Variants in GPR158 observed in about 807,000 individuals in gnomAD.
GPR158 encodes the protein metabotropic glycine receptor.
A neutral mutation model predicts 78.2 loss-of-function variants in GPR158; 30 were observed. The observed-to-expected ratio is 0.38, with a 90% CI of 0.29 to 0.52. The LOEUF is 0.52. Ranked by LOEUF, GPR158 falls within the 20% of genes least tolerant of loss-of-function variation. The probability of loss-of-function intolerance (pLI) is 0.83; values close to 1 mark genes in which losing one functional copy is unlikely to be tolerated. For synonymous variants in GPR158, 581 were observed against 591.1 expected (o/e 0.98, Z 0.25); for missense variants, 1,463 against 1,523.5 (o/e 0.96, Z 0.66).
At chr10:25,177,080 A>G (rs1852547405) in intron 1 of GPR158, among the ~76,000 whole-genome samples, 1 of 152,114 alleles carries the variant, frequency 6.6e-6, no homozygotes, top group Admixed American at 6.5e-5. Context: ...ATGATTTATA[A>G]AAGGACCTAG....
intron 4 of GPR158, among the ~76,000 whole-genome samples, chr10:25,430,532 A>G (rs1009337293): frequency 4.7e-5 from 7 of 150,356 alleles, no homozygotes; most frequent in African/African-American, 1.7e-4. Context: ...ATATGGAACC[A>G]AAAAAGAGCC....
Position 25,412,469 on chromosome 10 carries a change from C to T in GPR158, c.1331C>T (p.Ala444Val). ...CTGGTGGTCTACCACTTTCGCAAAG[C>T]AAAGGTAAACCCAGGAACCCTGGTT... ...SMLVVYHFRK[A>V]KSIRASGLIL... is the part of the protein sequence containing the mutation. The change falls in exon 4 of 11, where the codon GCA (alanine) becomes GTA (valine). Residue 444 changes from alanine (A) to valine (V), a missense_variant. Ala to Val is a moderately conservative substitution (Grantham distance 64, BLOSUM62 0). Transcript: ENST00000376351. The T allele has an allele frequency of 1.2e-6, 2 of 1,608,968 alleles. No individual in the cohort carries two copies. The highest frequency in any genetic ancestry group is 4.5e-5 in the East Asian group (2 of 44,868).
At chr10:25,568,383 A>G (rs1036788658) in intron 6 of GPR158, among the ~76,000 whole-genome samples, 2 of 152,200 alleles carry the variant, frequency 1.3e-5, no homozygotes, top group Non-Finnish European at 2.9e-5. Flanking sequence ...GAAGTCTGCA[A>G]TAGAGACTGA....
chr10:25,195,366 G>A (rs1367427601), intron 1 of GPR158, among the ~76,000 whole-genome samples: 1 of 151,784 alleles, frequency 6.6e-6, no homozygotes. Flanking sequence ...CCACCACACT[G>A]GGCTAAATTT....
intron 5 of GPR158, among the ~76,000 whole-genome samples, chr10:25,507,569 A>C (rs1836029816): frequency 6.6e-6 from 1 of 152,258 alleles, no homozygotes; most frequent in African/African-American, 2.4e-5. Flanking sequence ...ATCTGACTAT[A>C]GAAATATGTT....
chr10:25,256,578 AGGAGGCTGAGGCG>A (rs142174741), intron 2 of GPR158, among the ~76,000 whole-genome samples: 11,903 of 152,148 alleles, frequency 0.078, 643 homozygotes, highest in East Asian at 0.25. Flanking sequence ...AGGCTGAGGC[AGGAGGCTGAGGCG>A]GTAGGAGTGC....
intron 5 of GPR158, among the ~76,000 whole-genome samples, chr10:25,501,570 T>C (rs543731515): frequency 2.6e-5 from 4 of 152,274 alleles, no homozygotes; most frequent in African/African-American, 4.8e-5. Flanking sequence ...TGAATGAACA[T>C]AGAACCTGCA....
chr10:25,467,111 G>C (rs138053161), intron 5 of GPR158, among the ~76,000 whole-genome samples: 1 of 152,198 alleles, frequency 6.6e-6, no homozygotes, highest in Admixed American at 6.5e-5. Flanking sequence ...GCAATACGTT[G>C]GTTTGGTCCA....
At chr10:25,204,581 G>C (rs2791325) in intron 1 of GPR158, among the ~76,000 whole-genome samples, 22,764 of 152,002 alleles carry the variant, frequency 0.15, 1,980 homozygotes, top group East Asian at 0.24. Flanking sequence ...GTTGAGCCAG[G>C]CTTGCATCCC....
At chr10:25,505,974 G>A (rs1836008185) in intron 5 of GPR158, among the ~76,000 whole-genome samples, 1 of 152,172 alleles carries the variant, frequency 6.6e-6, no homozygotes, top group South Asian at 2.1e-4. Context: ...TGTAGACTCT[G>A]AATTCCTCCA....
chr10:25,393,401 C>T (rs557789673), intron 2 of GPR158, among the ~76,000 whole-genome samples: 1 of 152,294 alleles, frequency 6.6e-6, no homozygotes, highest in East Asian at 1.9e-4. Context: ...ACCTGGTTTA[C>T]CTTAGTTTAC....
intron 2 of GPR158, among the ~76,000 whole-genome samples, chr10:25,232,295 GA>G (rs1044831464): frequency 2.4e-4 from 36 of 151,992 alleles, no homozygotes; most frequent in Admixed American, 2.6e-4. Context: ...ACTTATGTGG[GA>G]AAAAAATCCC....
chr10:25,212,392 A>C (rs1206146440), intron 1 of GPR158, among the ~76,000 whole-genome samples: 1 of 152,054 alleles, frequency 6.6e-6, no homozygotes, highest in Non-Finnish European at 1.5e-5. Context: ...CCATCACAAG[A>C]ACAGCACTGA....
intron 5 of GPR158, among the ~76,000 whole-genome samples, chr10:25,501,914 C>T (rs1327475315): frequency 1.3e-5 from 2 of 152,108 alleles, no homozygotes; most frequent in African/African-American, 2.4e-5. Flanking sequence ...CATCTCCTCA[C>T]ACTGCTGTCC....
intron 2 of GPR158, among the ~76,000 whole-genome samples, chr10:25,257,992 G>A (rs372805250): frequency 6.6e-6 from 1 of 152,138 alleles, no homozygotes; most frequent in Admixed American, 6.5e-5. Context: ...CTACAAAATA[G>A]AAGTAAAATG....
intron 2 of GPR158, among the ~76,000 whole-genome samples, chr10:25,340,100 C>T (rs919289992): frequency 6.6e-6 from 1 of 151,898 alleles, no homozygotes; most frequent in African/African-American, 2.4e-5. Context: ...CCTGTGTCTT[C>T]AAGGGAAAAA....
At chr10:25,597,684 G>C (rs1167839484) in intron 10 of GPR158, 88 bp from the exon 11 acceptor site, 2 of 1,069,952 alleles carry the variant, frequency 1.9e-6, no homozygotes, top group Non-Finnish European at 2.6e-6. Flanking sequence ...TAGAGCCCAA[G>C]TTTACTGAAT....
intron 2 of GPR158, among the ~76,000 whole-genome samples, chr10:25,380,035 C>G (rs187228798): frequency 6.6e-6 from 1 of 151,968 alleles, no homozygotes; most frequent in Admixed American, 6.6e-5. Context: ...CTACAGCTTG[C>G]TAACAAACTA....
intron 2 of GPR158, among the ~76,000 whole-genome samples, chr10:25,247,716 T>C (rs1470869587): frequency 6.6e-6 from 1 of 151,916 alleles, no homozygotes; most frequent in East Asian, 1.9e-4. Context: ...AGTCTATTAT[T>C]GTTGGACATT....
Sources: allele counts gnomAD v4.1 joint callset (sites outside exome capture counted in the v4.1 genomes callset), GRCh38; gene constraint gnomAD v4.1.1; transcripts MANE v1.5; gene names NCBI Gene and HGNC (gene_info 2026-07-23, HGNC 2026-07-21).